NCKAP5: variants seen among roughly 807,000 people sequenced by gnomAD.
NCKAP5 encodes NCK associated protein 5, also known as nck-associated protein 5.
NCKAP5 carries 92 observed loss-of-function variants against 167.0 expected under a neutral mutation model. That is an observed-to-expected ratio of 0.55 (90% CI 0.47 to 0.66). The LOEUF is 0.66. Among genes scored for constraint, NCKAP5 ranks in the 30% least tolerant of loss-of-function variants. The pLI is 0.00. For synonymous variants in NCKAP5, 891 were observed against 877.4 expected (o/e 1.02, Z -0.27); for missense variants, 2,378 against 2,315.0 (o/e 1.03, Z -0.56).
intron 2 of NCKAP5, among the ~76,000 whole-genome samples, chr2:133,541,011 G>A (rs1686188564): frequency 1.3e-5 from 2 of 149,420 alleles, no homozygotes; most frequent in Admixed American, 6.7e-5. Context: ...AGGTCTTAGT[G>A]TTATTTTTAA....
At chr2:133,051,402 C>T (rs916484371) in intron 6 of NCKAP5, among the ~76,000 whole-genome samples, 7 of 152,124 alleles carry the variant, frequency 4.6e-5, no homozygotes, top group African/African-American at 1.7e-4. Context: ...TTTTTCATCT[C>T]ATTTTGCCAG....
intron 11 of NCKAP5, among the ~76,000 whole-genome samples, chr2:132,822,407 C>T (rs1200918092): frequency 6.6e-6 from 1 of 152,174 alleles, no homozygotes; most frequent in East Asian, 1.9e-4. Flanking sequence ...TCCACAGCAC[C>T]AGCCTGGAGC....
chr2:133,257,773 T>G (rs1385741648), intron 4 of NCKAP5, among the ~76,000 whole-genome samples: 1 of 152,174 alleles, frequency 6.6e-6, no homozygotes, highest in African/African-American at 2.4e-5. Flanking sequence ...GACCCAACAT[T>G]ATGTGCTAAA....
chr2:132,962,843 G>A (rs941487157), intron 8 of NCKAP5, among the ~76,000 whole-genome samples: 2 of 151,974 alleles, frequency 1.3e-5, no homozygotes, highest in African/African-American at 2.4e-5. Context: ...CGCCTGCCTC[G>A]GCCTCCTAAA....
At chr2:133,141,801 T>G (rs920593721) in intron 5 of NCKAP5, among the ~76,000 whole-genome samples, 10 of 152,190 alleles carry the variant, frequency 6.6e-5, no homozygotes, top group African/African-American at 2.2e-4. Context: ...CAGCTTCCAT[T>G]ATTTCATCGT....
intron 4 of NCKAP5, among the ~76,000 whole-genome samples, chr2:133,257,009 A>C (rs1009168078): frequency 6.6e-6 from 1 of 152,206 alleles, no homozygotes; most frequent in Non-Finnish European, 1.5e-5. Flanking sequence ...CTCAAAAGAA[A>C]AGTGCGAATT....
At chr2:133,535,740 A>C (rs1409281621) in intron 2 of NCKAP5, among the ~76,000 whole-genome samples, 1 of 152,114 alleles carries the variant, frequency 6.6e-6, no homozygotes, top group Admixed American at 6.5e-5. Flanking sequence ...AGGTTGTACT[A>C]ATTTTCATTC....
At chr2:133,544,077 T>C (rs1261355291) in intron 2 of NCKAP5, among the ~76,000 whole-genome samples, 1 of 152,262 alleles carries the variant, frequency 6.6e-6, no homozygotes, top group Non-Finnish European at 1.5e-5. Context: ...AGCTGATGAT[T>C]TGTATCTTAA....
intron 11 of NCKAP5, among the ~76,000 whole-genome samples, chr2:132,848,073 G>A (rs921836512): frequency 6.6e-6 from 1 of 152,172 alleles, no homozygotes. Context: ...TATATGTTAT[G>A]TGGATCTTCA....
intron 16 of NCKAP5, among the ~76,000 whole-genome samples, chr2:132,739,706 C>T (rs1020731426): frequency 2.6e-5 from 4 of 151,776 alleles, no homozygotes; most frequent in Admixed American, 1.3e-4. Flanking sequence ...CAACAACTAC[C>T]CTGCTTATTT....
At chr2:132,713,099 C>T (rs34973688) in intron 19 of NCKAP5, among the ~76,000 whole-genome samples, 10 of 132,976 alleles carry the variant, frequency 7.5e-5, no homozygotes, top group African/African-American at 1.4e-4. Flanking sequence ...CTCCCTTTTG[C>T]GTAAGAAATG....
At chr2:133,506,794 T>G (rs1444156889) in intron 3 of NCKAP5, among the ~76,000 whole-genome samples, 1 of 152,222 alleles carries the variant, frequency 6.6e-6, no homozygotes, top group African/African-American at 2.4e-5. Context: ...GTACCTGGCA[T>G]GAGTGTGCAA....
intron 8 of NCKAP5, among the ~76,000 whole-genome samples, chr2:132,886,566 T>C (rs993235705): frequency 6.6e-6 from 1 of 152,216 alleles, no homozygotes; most frequent in Non-Finnish European, 1.5e-5. Flanking sequence ...AATTTCTCTT[T>C]AGCGTCCTCT....
chr2:133,412,804 T>A (rs895565003), intron 3 of NCKAP5, among the ~76,000 whole-genome samples: 1 of 152,224 alleles, frequency 6.6e-6, no homozygotes, highest in Non-Finnish European at 1.5e-5. Context: ...CAAATATTTA[T>A]TTAAAAAACC....
intron 6 of NCKAP5, among the ~76,000 whole-genome samples, chr2:133,078,202 TG>T (rs1325494848): frequency 1.3e-5 from 2 of 152,180 alleles, no homozygotes; most frequent in Non-Finnish European, 2.9e-5. Context: ...TTAGGAAATG[TG>T]ATCAGTGCTT....
intron 3 of NCKAP5, among the ~76,000 whole-genome samples, chr2:133,372,228 A>G (rs1322891012): frequency 6.6e-6 from 1 of 152,108 alleles, no homozygotes; most frequent in East Asian, 1.9e-4. Context: ...GTGATGGAAA[A>G]CTATGTGGCT....
chr2:133,095,810 T>C (rs1447767134), intron 6 of NCKAP5, among the ~76,000 whole-genome samples: 2 of 152,220 alleles, frequency 1.3e-5, no homozygotes, highest in Admixed American at 6.5e-5. Flanking sequence ...TAAACAGTGT[T>C]GTGTTTTCCA....
chr2:132,993,908 C>T (rs1012717865), intron 7 of NCKAP5, among the ~76,000 whole-genome samples: 4 of 152,204 alleles, frequency 2.6e-5, no homozygotes, highest in African/African-American at 7.2e-5. Context: ...TCTCATTCAC[C>T]ACAAACTTAT....
chr2:133,474,081 T>C (rs917650322), intron 3 of NCKAP5, among the ~76,000 whole-genome samples: 3 of 152,026 alleles, frequency 2.0e-5, no homozygotes, highest in African/African-American at 7.2e-5. Flanking sequence ...CCTAAGTGTC[T>C]GTCAACAGAT....
Sources: gnomAD v4.1 joint callset for allele counts (sites outside exome capture counted in the v4.1 genomes callset) on GRCh38, gnomAD v4.1.1 for gene constraint, MANE v1.5 for transcripts, NCBI Gene and HGNC (gene_info 2026-07-23, HGNC 2026-07-21) for gene names.